Variants in AGGF1 observed in about 807,000 individuals in gnomAD.
AGGF1 encodes angiogenic factor with G-patch and FHA domains 1, also known as angiogenic factor with G patch and FHA domains 1.
In AGGF1, 56 loss-of-function variants were observed where a neutral mutation model predicts 86.5. The observed-to-expected ratio is 0.65, with a 90% CI of 0.52 to 0.81. The LOEUF (loss-of-function observed/expected upper bound fraction) is 0.81, where lower values mean the gene tolerates loss of function less well. Ranked by LOEUF, AGGF1 falls within the 30% of genes least tolerant of loss-of-function variation. The probability of loss-of-function intolerance (pLI) is 0.00; values close to 1 mark genes in which losing one functional copy is unlikely to be tolerated. For synonymous variants in AGGF1, 313 were observed against 297.1 expected (o/e 1.05, Z -0.55); for missense variants, 816 against 850.9 (o/e 0.96, Z 0.51).
In AGGF1 at chr5:77,055,494, C is replaced by G; in HGVS notation, c.1634-20C>G. ...ATCAGATTTAGTGGCTTTTTTTTAA[C>G]CAAACTTTTTTTCTTTCAGTTGGTC... On this transcript the variant is annotated intron_variant, in intron 10 of 13. Coordinates refer to ENST00000312916, the MANE Select transcript of AGGF1 (RefSeq NM_018046.5). 1.3e-6 allele frequency: 2 copies of G among 1,541,340 alleles called. No homozygotes were observed. Among genetic ancestry groups the G allele is most frequent in the Non-Finnish European group, 1.8e-6 (2 of 1,118,342 alleles).
chr5:77,043,425 A>G (rs1476075331), intron 5 of AGGF1, among the ~76,000 whole-genome samples: 26 of 60,044 alleles, frequency 4.3e-4, no homozygotes, highest in African/African-American at 1.6e-3. Flanking sequence ...ACTTCCCAGT[A>G]GGGGCGGCCG....
chr5:77,038,470 T>G (rs1747004508), intron 4 of AGGF1, among the ~76,000 whole-genome samples: 1 of 152,168 alleles, frequency 6.6e-6, no homozygotes. Flanking sequence ...TAAATTTTTT[T>G]TATATTTTGA....
chr5:77,056,037 A>G (rs1285089950), intron 11 of AGGF1, among the ~76,000 whole-genome samples: 3 of 152,170 alleles, frequency 2.0e-5, no homozygotes, highest in African/African-American at 4.8e-5. Context: ...TGAACAACAT[A>G]GTTGGAGAAC....
chr5:77,059,739 C>A lies in AGGF1; in HGVS notation c.1840C>A (p.His614Asn), dbSNP rs765931475. The A allele has an allele frequency of 1.9e-6, 3 of 1,613,666 alleles. No homozygotes were observed. The South Asian group carries it at 3.3e-5, about 18-fold the overall frequency. ...AAGAGATGATGCTCCTGCATCTGTT[C>A]ATTCGTAAGTTTTGAATTACAGTGG... ...FQRDDAPASV[H>N]SEITDSNKGR... Residue 614 changes from histidine (H) to asparagine (N), a missense_variant, in exon 12 of 14, where the codon CAT becomes AAT. By Grantham distance (68) the His-to-Asn change is moderately conservative (BLOSUM62 1). Coordinates refer to ENST00000312916, the MANE Select transcript of AGGF1 (RefSeq NM_018046.5).
chr5:77,043,259 G>A (rs1747160553), intron 5 of AGGF1, among the ~76,000 whole-genome samples: 1 of 33,372 alleles, frequency 3.0e-5, no homozygotes, highest in African/African-American at 1.0e-4. Context: ...AGGGGCGGCC[G>A]GGCAGAGGCG....
At chr5:77,044,281 C>T (rs1051183255) in intron 5 of AGGF1, among the ~76,000 whole-genome samples, 37 of 152,108 alleles carry the variant, frequency 2.4e-4, no homozygotes, top group Admixed American at 1.2e-3. Flanking sequence ...GCACTCCAGC[C>T]TGGGCACCAT....
In AGGF1 at chr5:77,061,765, A is replaced by G. The variant is rs1302482300; in HGVS notation, c.1907A>G (p.Glu636Gly). The G allele has an allele frequency of 6.2e-7, 1 of 1,602,582 alleles. No individual in the cohort carries two copies. The highest frequency in any genetic ancestry group is 8.5e-7 in the Non-Finnish European group (1 of 1,173,044). The change falls in exon 13 of 14, where the codon GAG becomes GGG. Residue 636 changes from glutamate (E) to glycine (G), a missense_variant. Coordinates refer to ENST00000312916, the MANE Select transcript of AGGF1 (RefSeq NM_018046.5). Reference sequence around the variant, plus strand: ...GAGAAGATGGGTTGGAAGAAAGGAGAGGGCCTGGGGAAGGATGGTGGAGGA... The same window carrying G: ...GAGAAGATGGGTTGGAAGAAAGGAGGGGGCCTGGGGAAGGATGGTGGAGGA... ...MLEKMGWKKGEGLGKDGGGMK... is the reference protein window; with the variant it reads ...MLEKMGWKKGGGLGKDGGGMK...
chr5:77,040,043 A>T (rs1747041466), intron 5 of AGGF1, among the ~76,000 whole-genome samples: 1 of 152,154 alleles, frequency 6.6e-6, no homozygotes, highest in African/African-American at 2.4e-5. Flanking sequence ...CACAGTTTAT[A>T]GGTAGACATA....
intron 9 of AGGF1, 104 bp downstream of exon 9, chr5:77,052,911 A>T (rs1171330822): frequency 1.1e-6 from 1 of 949,316 alleles, no homozygotes; most frequent in Non-Finnish European, 1.7e-6. Context: ...GAGTAGAGTT[A>T]AGCCCAAATG....
chr5:77,064,278 TG>T lies in AGGF1; in HGVS notation c.*1027del. On this transcript the variant is annotated 3_prime_UTR_variant, in exon 14 of 14. Coordinates refer to ENST00000312916, the MANE Select transcript of AGGF1 (RefSeq NM_018046.5). ...CTGCCACCTATCACTATTCTTTTTCTGTTCAGTTTTTCTCTCAGGTGTTTGC... is the reference window on the plus strand; with the variant it reads ...CTGCCACCTATCACTATTCTTTTTCTTTCAGTTTTTCTCTCAGGTGTTTGC... The T allele has an allele frequency of 6.6e-6, 1 of 152,540 alleles. No homozygotes were observed. Among genetic ancestry groups the T allele is most frequent in the South Asian group, 2.1e-4 (1 of 4,832 alleles). The allele number at this position is 152,540 out of a possible 1,614,324, so 9.4% of individuals were successfully genotyped here. A position where few individuals can be genotyped will look rare whatever the true frequency, so the allele number is the denominator to read the frequency against.
In AGGF1 at chr5:77,057,430, A is replaced by G. The variant is rs139451981; in HGVS notation, c.1716+1834A>G. The stretch of plus-strand genomic sequence containing the variant: ...ACTTAGCAATAAAAAAGCAGGAACT[A>G]GTAATATAGGCCACAACCTGGATGA... On this transcript the variant is annotated intron_variant, in intron 11 of 13. Coordinates refer to ENST00000312916, the MANE Select transcript of AGGF1 (RefSeq NM_018046.5). Among the ~76,000 whole-genome samples, 154 of 152,372 alleles carry G rather than the reference A, an allele frequency of 1.0e-3. 2 individuals carry two copies. Among genetic ancestry groups the G allele is most frequent in the African/African-American group, 3.6e-3 (149 of 41,592 alleles).
chr5:77,035,540 GA>G lies in AGGF1; in HGVS notation c.314del (p.Asp105ValfsTer17). On this transcript the variant is annotated frameshift_variant and splice_region_variant, in exon 3 of 14. Coordinates refer to ENST00000312916, the MANE Select transcript of AGGF1 (RefSeq NM_018046.5). LOFTEE classifies it high-confidence loss of function. ...TENHAPWSIS[D>X]YFYQTYYNDV... ...GATTTCACTTCATTTTTTTGCTACA[GA>G]TTATTTTTATCAGACGTACTACAAT... The G allele has an allele frequency of 1.2e-6, 2 of 1,607,854 alleles. No homozygotes were observed. The highest frequency in any genetic ancestry group is 1.7e-6 in the Non-Finnish European group (2 of 1,175,902).
In AGGF1 at chr5:77,035,806, A is replaced by T. The variant is rs533052214; in HGVS notation, c.516+63A>T. The stretch of plus-strand genomic sequence containing the variant: ...GAACCTGTCCTTCTTTGTTGTTATT[A>T]TGTGGAAAGATAGACTTCTTTGGTC... On this transcript the variant is annotated intron_variant, in intron 3 of 13. Coordinates refer to ENST00000312916, the MANE Select transcript of AGGF1 (RefSeq NM_018046.5). 2.1e-5 allele frequency: 30 copies of T among 1,422,184 alleles called. No individual in the cohort carries two copies. The African/African-American group carries it at 4.2e-4, about 20-fold the overall frequency. 88.1% of individuals were successfully genotyped at this position (1,422,184 alleles called of 1,614,324 possible).
rs1230996218 is a variant in AGGF1, at chr5:77,063,232, G to C, written c.2125G>C (p.Val709Leu). Residue 709 changes from valine (V) to leucine (L), a missense_variant, in exon 14 of 14, where the codon GTA becomes CTA. Physicochemically the swap from Val to Leu is conservative, Grantham distance 32. Around this residue, in one of 3 missense-constraint regions of AGGF1, gnomAD observed 565 missense variants for 585.8 expected, o/e 0.96. Coordinates refer to ENST00000312916, the MANE Select transcript of AGGF1 (RefSeq NM_018046.5). ...QKDDPGTMPW[V>L]KGTLE ...AGATGACCCAGGGACCATGCCTTGGGTAAAAGGGACTTTAGAGTGAAGGCT... is the reference window on the plus strand; with the variant it reads ...AGATGACCCAGGGACCATGCCTTGGCTAAAAGGGACTTTAGAGTGAAGGCT... 1.9e-6 allele frequency: 3 copies of C among 1,613,534 alleles called. No individual in the cohort carries two copies. The East Asian group carries it at 6.7e-5, about 36-fold the overall frequency.
chr5:77,053,446 G>C (rs906092782), intron 9 of AGGF1, among the ~76,000 whole-genome samples: 4 of 152,206 alleles, frequency 2.6e-5, no homozygotes, highest in African/African-American at 9.7e-5. Context: ...TTGCACCGGG[G>C]AGGTGGAGGT....
At position 77,063,212 on chromosome 5, in the gene AGGF1, A is replaced by T. The variant is rs1442118732; in HGVS notation, c.2105A>T (p.Asp702Val). Residue 702 changes from aspartate (D) to valine (V), a missense_variant, in exon 14 of 14, where the codon GAC (aspartate) becomes GTC (valine). Physicochemically the swap from Asp to Val is radical, Grantham distance 152. Coordinates refer to ENST00000312916, the MANE Select transcript of AGGF1 (RefSeq NM_018046.5). ...NFPETKPQKDDPGTMPWVKGT... is the reference protein window; with the variant it reads ...NFPETKPQKDVPGTMPWVKGT... ...CCAGAAACTAAGCCTCAAAAAGATG[A>T]CCCAGGGACCATGCCTTGGGTAAAA... The T allele has an allele frequency of 8.7e-6, 14 of 1,613,934 alleles. No homozygotes were observed. Among genetic ancestry groups the T allele is most frequent in the Non-Finnish European group, 1.1e-5 (13 of 1,179,894 alleles).
chr5:77,036,444 T>C, intron 3 of AGGF1, 112 bp from the exon 4 acceptor site: 1 of 1,075,698 alleles, frequency 9.3e-7, no homozygotes, highest in Non-Finnish European at 1.4e-6. Context: ...GCTTTTCCTT[T>C]GTAGAAATTG....
At chr5:77,059,772 C>A (rs771152722) in intron 12 of AGGF1, 29 bp downstream of exon 12, 1 of 1,612,058 alleles carries the variant, frequency 6.2e-7, no homozygotes, top group Non-Finnish European at 8.5e-7. Flanking sequence ...TGGCTCGAAA[C>A]ATCCTTTGTT....
intron 5 of AGGF1, among the ~76,000 whole-genome samples, chr5:77,040,807 C>T (rs1056863288): frequency 3.9e-5 from 6 of 152,138 alleles, no homozygotes; most frequent in Admixed American, 1.3e-4. Flanking sequence ...CCTGTCCTTT[C>T]CTGTCCTATC....
Sources: gnomAD v4.1 joint callset for allele counts (sites outside exome capture counted in the v4.1 genomes callset) on GRCh38, gnomAD v4.1.1 for gene constraint, gnomAD v4.1.1 regional missense constraint, MANE v1.5 for transcripts, NCBI Gene and HGNC (gene_info 2026-07-23, HGNC 2026-07-21) for gene names.